CIBAR2: variants seen among roughly 807,000 people sequenced by gnomAD.
The protein encoded by CIBAR2 is CBY1 interacting BAR domain containing 2.
In CIBAR2, 38 loss-of-function variants were observed where a neutral mutation model predicts 36.2. That is an observed-to-expected ratio of 1.05 (90% CI 0.81 to 1.38). The LOEUF is 1.38. Among genes scored for constraint, CIBAR2 ranks in the 40% most tolerant of loss-of-function variants. CIBAR2 has a pLI of 0.00. For synonymous variants in CIBAR2, 182 were observed against 149.5 expected (o/e 1.22, Z -1.58); for missense variants, 481 against 383.4 (o/e 1.25, Z -2.13).
chr16:85,108,039 G>C lies in CIBAR2; in HGVS notation c.316C>G (p.Gln106Glu), dbSNP rs144351372. Residue 106 changes from glutamine to glutamate, a missense_variant, in exon 3 of 9, where the codon CAG becomes GAG. Transcript: ENST00000539556. Reference sequence around the variant, plus strand: ...GAGGTGCCCCGGCTCACCCGTGTCTGCTTGATCTGTGCCCCGTAGAGCTTC... The same window carrying C: ...GAGGTGCCCCGGCTCACCCGTGTCTCCTTGATCTGTGCCCCGTAGAGCTTC... ...PLKLYGAQIK[Q>E]TRAEIKKFKH... 80 of 1,613,726 alleles carry C rather than the reference G, an allele frequency of 5.0e-5. No homozygotes were observed. The African/African-American group carries it at 9.5e-4, about 19-fold the overall frequency.
rs1352651241 is a variant in CIBAR2 at position 85,110,382 on chromosome 16, G to A, written c.99C>T (p.Ala33=). The stretch of plus-strand genomic sequence containing the variant: ...GCCGGGCCGTCTTGCGCGTGTAGGC[G>A]GCCAGCAGCGAGCAGAACTGCCCAA... ...KYFGQFCSLL[A]AYTRKTARLR... is the part of the protein sequence containing the mutation. Residue 33 remains alanine, a synonymous_variant, in exon 2 of 9, where the codon GCC becomes GCT. Coordinates refer to ENST00000539556, the MANE Select transcript of CIBAR2 (RefSeq NM_198491.3). The A allele has an allele frequency of 5.6e-6, 9 of 1,613,412 alleles. No homozygotes were observed. The highest frequency in any genetic ancestry group is 1.6e-4 in the Middle Eastern group (1 of 6,084).
intron 2 of CIBAR2, among the ~76,000 whole-genome samples, chr16:85,109,475 G>T (rs1305091198): frequency 1.3e-5 from 2 of 152,110 alleles, no homozygotes; most frequent in African/African-American, 4.8e-5. Flanking sequence ...CATGACATGC[G>T]TTGCTATCTG....
rs900181014 is a variant in CIBAR2, at chr16:85,112,329, T to A, written c.20+4A>T. The stretch of plus-strand genomic sequence containing the variant: ...CACAGCCAGGCTGGCGCTGGCCCAC[T>A]CACCTGGAGAAGACGATGTTCATTG... On this transcript the variant is annotated splice_donor_region_variant and intron_variant, in intron 1 of 8. Transcript: ENST00000539556. The A allele has an allele frequency of 6.2e-7, 1 of 1,612,172 alleles. No individual in the cohort carries two copies. Among genetic ancestry groups the A allele is most frequent in the Admixed American group, 1.7e-5 (1 of 59,964 alleles).
chr16:85,103,943 C>T (rs575549050), intron 6 of CIBAR2, among the ~76,000 whole-genome samples: 6 of 152,360 alleles, frequency 3.9e-5, no homozygotes, highest in South Asian at 4.1e-4. Context: ...CCCGCCCCAA[C>T]GGTGTCAACT....
At chr16:85,106,949 C>G (rs113425340) in intron 5 of CIBAR2, among the ~76,000 whole-genome samples, 2 of 152,102 alleles carry the variant, frequency 1.3e-5, no homozygotes, top group Non-Finnish European at 2.9e-5. Flanking sequence ...AGTTCAAGAC[C>G]AGCCTGGCCA....
Position 85,098,755 on chromosome 16 carries a change from T to C in CIBAR2, c.*430A>G, listed in dbSNP as rs1387881185. On this transcript the variant is annotated 3_prime_UTR_variant, in exon 9 of 9. Coordinates refer to ENST00000539556, the MANE Select transcript of CIBAR2 (RefSeq NM_198491.3). Reference sequence around the variant, plus strand: ...GCAGCAACAAGTCTCAAGTGTTTGTTGCGCAACAGGCCGGGTTTTCTGTGC... The same window carrying C: ...GCAGCAACAAGTCTCAAGTGTTTGTCGCGCAACAGGCCGGGTTTTCTGTGC... The C allele has an allele frequency of 7.6e-6, 4 of 528,414 alleles. No individual in the cohort carries two copies. The highest frequency in any genetic ancestry group is 6.2e-5 in the African/African-American group (3 of 48,290). 32.7% of individuals were successfully genotyped at this position (528,414 alleles called of 1,614,324 possible). A position where few individuals can be genotyped will look rare whatever the true frequency, so the allele number is the denominator to read the frequency against.
chr16:85,099,655 G>A (rs1201692881), intron 8 of CIBAR2, among the ~76,000 whole-genome samples: 6 of 149,258 alleles, frequency 4.0e-5, no homozygotes, highest in African/African-American at 7.4e-5. Context: ...ACAGAGTCTC[G>A]CTCTGTAACC....
intron 2 of CIBAR2, among the ~76,000 whole-genome samples, chr16:85,108,777 G>A (rs974331213): frequency 2.0e-5 from 3 of 152,178 alleles, no homozygotes; most frequent in Non-Finnish European, 4.4e-5. Context: ...GGGAGGCTGA[G>A]GCAGGAGAAT....
chr16:85,107,158 G>T (rs534879780), intron 5 of CIBAR2, among the ~76,000 whole-genome samples: 26 of 151,402 alleles, frequency 1.7e-4, no homozygotes, highest in South Asian at 4.2e-4. Flanking sequence ...CAAAAAAAAG[G>T]GGGGGGGCAC....
Position 85,107,159 on chromosome 16 carries a change from G to T in CIBAR2, c.432+508C>A, listed in dbSNP as rs889184135. Among the ~76,000 whole-genome samples, 46 of 152,040 alleles carry T rather than the reference G, an allele frequency of 3.0e-4. 2 individuals carry two copies. The highest frequency in any genetic ancestry group is 2.7e-3 in the Admixed American group (41 of 15,274). On this transcript the variant is annotated intron_variant, in intron 5 of 8. Transcript: ENST00000539556. ...GAGACTTTGTCTCTCAAAAAAAAGG[G>T]GGGGGGCACTCTTTGGATGAGGTCA...
chr16:85,100,843 C>G (rs1337409601), intron 7 of CIBAR2, among the ~76,000 whole-genome samples: 4 of 152,138 alleles, frequency 2.6e-5, no homozygotes, highest in African/African-American at 9.7e-5. Flanking sequence ...GTCAGGAGAT[C>G]AAGACCATCC....
At chr16:85,110,995 A>G (rs2074038307) in intron 1 of CIBAR2, among the ~76,000 whole-genome samples, 1 of 151,950 alleles carries the variant, frequency 6.6e-6, no homozygotes, top group African/African-American at 2.4e-5. Flanking sequence ...ATGAGCCACC[A>G]CGTTCGGCCC....
chr16:85,109,601 C>T (rs1394146843), intron 2 of CIBAR2, among the ~76,000 whole-genome samples: 1 of 152,198 alleles, frequency 6.6e-6, no homozygotes, highest in African/African-American at 2.4e-5. Flanking sequence ...ATGGCCCCAG[C>T]CTCGACCTTC....
rs1316832394 is a variant in CIBAR2, at chr16:85,107,680, AC to A, written c.427-9del. 8 of 1,613,792 alleles carry A rather than the reference AC, an allele frequency of 5.0e-6. No homozygotes were observed. The highest frequency in any genetic ancestry group is 1.3e-5 in the African/African-American group (1 of 74,866). On this transcript the variant is annotated splice_polypyrimidine_tract_variant and intron_variant, in intron 4 of 8. Coordinates refer to ENST00000539556, the MANE Select transcript of CIBAR2 (RefSeq NM_198491.3). The stretch of plus-strand genomic sequence containing the variant: ...TGTGACACTCACCTGGGACTGAAAA[AC>A]GTGCTGTTAAGGAACCAAGTTAAGC...
intron 7 of CIBAR2, 92 bp downstream of exon 7, chr16:85,102,122 T>A (rs1424833920): frequency 2.7e-6 from 2 of 727,890 alleles, no homozygotes; most frequent in Non-Finnish European, 4.9e-6. Flanking sequence ...AGTTGTGAAA[T>A]GTTACCAACA....
At chr16:85,101,306 T>G (rs1318038333) in intron 7 of CIBAR2, among the ~76,000 whole-genome samples, 2 of 152,100 alleles carry the variant, frequency 1.3e-5, no homozygotes, top group African/African-American at 2.4e-5. Context: ...CATTTTGCAG[T>G]GGGCCCTGCA....
rs2073961163 is a variant in CIBAR2, at chr16:85,102,239, TTCTCC to T, written c.621_625del (p.Glu208ValfsTer2). On this transcript the variant is annotated frameshift_variant, in exon 7 of 9. Coordinates refer to ENST00000539556, the MANE Select transcript of CIBAR2 (RefSeq NM_198491.3). LOFTEE classifies it high-confidence loss of function. ...CAGTAGATCCCTCTCCAGGTCATAC[TTCTCC>T]AGGGTCTGGAAGGCGCTAGAATACA... The T allele has an allele frequency of 6.2e-7, 1 of 1,608,482 alleles. No individual in the cohort carries two copies.
Position 85,107,684 on chromosome 16 carries a change from G to T in CIBAR2, c.427-12C>A, listed in dbSNP as rs563525879. On this transcript the variant is annotated splice_polypyrimidine_tract_variant and intron_variant, in intron 4 of 8. Transcript: ENST00000539556. ...ACACTCACCTGGGACTGAAAAACGT[G>T]CTGTTAAGGAACCAAGTTAAGCCCA... 15 of 1,613,986 alleles carry T rather than the reference G, an allele frequency of 9.3e-6. 2 individuals are homozygous for T. In the African/African-American group the frequency reaches 1.1e-4, roughly 11 times the overall value.
Position 85,098,854 on chromosome 16 carries a change from C to G in CIBAR2, c.*331G>C. The G allele has an allele frequency of 4.4e-6, 1 of 225,144 alleles. No individual in the cohort carries two copies. Among genetic ancestry groups the G allele is most frequent in the Non-Finnish European group, 8.1e-6 (1 of 124,164 alleles). The allele number at this position is 225,144 out of a possible 1,614,324, so 13.9% of individuals were successfully genotyped here. ...TTACTGTTCTAAGCCACTCTGCAGGCGAGGACTCTAAGGCACAGAGAGGCT... is the reference window on the plus strand; with the variant it reads ...TTACTGTTCTAAGCCACTCTGCAGGGGAGGACTCTAAGGCACAGAGAGGCT... On this transcript the variant is annotated 3_prime_UTR_variant, in exon 9 of 9. Coordinates refer to ENST00000539556, the MANE Select transcript of CIBAR2 (RefSeq NM_198491.3).
Sources: allele counts gnomAD v4.1 joint callset (sites outside exome capture counted in the v4.1 genomes callset), GRCh38; gene constraint gnomAD v4.1.1; transcripts MANE v1.5; gene names NCBI Gene and HGNC (gene_info 2026-07-23, HGNC 2026-07-21).